The following CNTNAP2 variants were observed in gnomAD, a reference collection of about 807,000 sequenced individuals.
CNTNAP2 encodes the protein contactin associated protein 2, also known as contactin-associated protein-like 2.
A neutral mutation model predicts 155.2 loss-of-function variants in CNTNAP2; 98 were observed. The ratio of observed to expected loss-of-function variants is 0.63; its 90% confidence interval spans 0.54 to 0.75. CNTNAP2 has a LOEUF of 0.75. Ranked by LOEUF, CNTNAP2 falls within the 30% of genes least tolerant of loss-of-function variation. CNTNAP2 has a pLI of 0.00. For missense variants in CNTNAP2, 1,727 were observed against 1,688.1 expected, an observed-to-expected ratio of 1.02 and a Z score of -0.40; for synonymous variants, 651 against 631.2, an observed-to-expected ratio of 1.03 and a Z score of -0.47.
intron 1 of CNTNAP2, among the ~76,000 whole-genome samples, chr7:146,705,360 T>C (rs530505858): frequency 6.6e-6 from 1 of 152,072 alleles, no homozygotes; most frequent in Non-Finnish European, 1.5e-5. Flanking sequence ...AAGTATTTGT[T>C]TCCTGGTTCA....
At chr7:147,680,818 A>AATG (rs200722496) in intron 13 of CNTNAP2, among the ~76,000 whole-genome samples, 2,453 of 151,714 alleles carry the variant, frequency 0.016, 215 homozygotes, top group Admixed American at 0.15. Context: ...TAGTATGTAT[A>AATG]ATAAATAGCA....
At chr7:148,286,869 G>A (rs182410120) in intron 21 of CNTNAP2, among the ~76,000 whole-genome samples, 284 of 152,204 alleles carry the variant, frequency 1.9e-3, no homozygotes, top group African/African-American at 6.4e-3. Flanking sequence ...CCCTCCCCAC[G>A]TTATACATAG....
At chr7:148,054,814 C>T (rs1161633724) in intron 15 of CNTNAP2, among the ~76,000 whole-genome samples, 3 of 151,786 alleles carry the variant, frequency 2.0e-5, no homozygotes, top group Admixed American at 6.6e-5. Flanking sequence ...ATGTAGAGTC[C>T]AGGTAAGCCT....
intron 15 of CNTNAP2, among the ~76,000 whole-genome samples, chr7:148,015,057 A>G (rs1441357674): frequency 2.3e-5 from 3 of 131,104 alleles, no homozygotes; most frequent in African/African-American, 7.9e-5. Flanking sequence ...CCCACATAGC[A>G]TGTTTTTTTG....
intron 11 of CNTNAP2, among the ~76,000 whole-genome samples, chr7:147,512,162 C>T (rs1358122238): frequency 6.6e-6 from 1 of 152,094 alleles, no homozygotes; most frequent in African/African-American, 2.4e-5. Context: ...GGGAGCTCTC[C>T]ACACTCTCAC....
At chr7:146,649,011 C>T (rs1016759104) in intron 1 of CNTNAP2, among the ~76,000 whole-genome samples, 1 of 151,930 alleles carries the variant, frequency 6.6e-6, no homozygotes. Flanking sequence ...TTTTAAAAAG[C>T]AATTCAGAAT....
At chr7:147,019,502 G>C (rs573385779) in intron 3 of CNTNAP2, among the ~76,000 whole-genome samples, 1 of 152,144 alleles carries the variant, frequency 6.6e-6, no homozygotes, top group South Asian at 2.1e-4. Flanking sequence ...CTTCCTAGAA[G>C]GGCTTCCTTT....
At position 147,272,559 on chromosome 7, in the gene CNTNAP2, C is replaced by T. The variant is rs150584333; in HGVS notation, c.1349-27582C>T. ...TGTCGCCCAGGCTGGAGTGCAGTGG[C>T]GCCATCTCGGCTCACTGCAAGCTCC... On this transcript the variant is annotated intron_variant, in intron 8 of 23. Transcript: ENST00000361727. Among the ~76,000 whole-genome samples, 370 of 152,122 alleles carry T rather than the reference C, an allele frequency of 2.4e-3. 2 individuals carry two copies. Among genetic ancestry groups the T allele is most frequent in the African/African-American group, 8.4e-3 (349 of 41,518 alleles).
At chr7:147,097,926 G>T (rs1800576892) in intron 4 of CNTNAP2, among the ~76,000 whole-genome samples, 1 of 152,100 alleles carries the variant, frequency 6.6e-6, no homozygotes, top group Non-Finnish European at 1.5e-5. Context: ...CATACACCTG[G>T]AGTCAGCCAC....
At chr7:146,957,876 G>A (rs1358035979) in intron 3 of CNTNAP2, among the ~76,000 whole-genome samples, 2 of 151,988 alleles carry the variant, frequency 1.3e-5, no homozygotes, top group Non-Finnish European at 1.5e-5. Context: ...TTATACACAT[G>A]GACTTATCAA....
chr7:146,422,247 A>AAACATTGC, intron 1 of CNTNAP2, among the ~76,000 whole-genome samples: 1 of 151,268 alleles, frequency 6.6e-6, no homozygotes, highest in Non-Finnish European at 1.5e-5. Context: ...TTATTACAGA[A>AAACATTGC]AACATTGCAA....
At position 148,420,057 on chromosome 7, in the gene CNTNAP2, G is replaced by A. The variant is rs1563082734; in HGVS notation, c.*4441G>A. On this transcript the variant is annotated 3_prime_UTR_variant, in exon 24 of 24. Coordinates refer to ENST00000361727, the MANE Select transcript of CNTNAP2 (RefSeq NM_014141.6). ...CAAAAGACAAATGTGGCCACGTTCA[G>A]GAATTGGAGACTTACTGGCATGGCT... 1 of 152,216 alleles carries A rather than the reference G, an allele frequency of 6.6e-6. No homozygotes were observed. 9.4% of individuals were successfully genotyped at this position (152,216 alleles called of 1,614,324 possible).
intron 1 of CNTNAP2, among the ~76,000 whole-genome samples, chr7:146,739,794 A>T (rs895786658): frequency 6.6e-6 from 1 of 152,000 alleles, no homozygotes; most frequent in Non-Finnish European, 1.5e-5. Context: ...AAGTATATTA[A>T]TACTTGGTTT....
intron 21 of CNTNAP2, among the ~76,000 whole-genome samples, chr7:148,361,804 T>C (rs942116599): frequency 6.6e-6 from 1 of 152,164 alleles, no homozygotes; most frequent in African/African-American, 2.4e-5. Context: ...TGGGGAGTCC[T>C]CAGGAAACAT....
chr7:146,680,842 A>G (rs561279388), intron 1 of CNTNAP2, among the ~76,000 whole-genome samples: 1 of 152,350 alleles, frequency 6.6e-6, no homozygotes, highest in East Asian at 1.9e-4. Flanking sequence ...AAGTGACACA[A>G]GCAAAGGCAT....
At chr7:146,362,938 T>G (rs1423740855) in intron 1 of CNTNAP2, among the ~76,000 whole-genome samples, 1 of 151,798 alleles carries the variant, frequency 6.6e-6, no homozygotes, top group Non-Finnish European at 1.5e-5. Context: ...GCCCAGCTAA[T>G]TTTTGTATTT....
chr7:146,531,500 CAT>C (rs1454640941), intron 1 of CNTNAP2, among the ~76,000 whole-genome samples: 1 of 152,070 alleles, frequency 6.6e-6, no homozygotes, highest in African/African-American at 2.4e-5. Flanking sequence ...GCCTGGAAGA[CAT>C]AGATTGGCTT....
chr7:147,855,257 T>C (rs891685365), intron 13 of CNTNAP2, among the ~76,000 whole-genome samples: 2 of 152,140 alleles, frequency 1.3e-5, no homozygotes, highest in Admixed American at 1.3e-4. Context: ...GAAAACCTTC[T>C]GACTCCCAGG....
chr7:147,562,401 T>G, intron 12 of CNTNAP2, 144 bp downstream of exon 12: 1 of 1,062,420 alleles, frequency 9.4e-7, no homozygotes, highest in Non-Finnish European at 1.4e-6. Flanking sequence ...TTAGATAAGA[T>G]GATGAAATGT....
Sources: allele counts gnomAD v4.1 joint callset (sites outside exome capture counted in the v4.1 genomes callset), GRCh38; gene constraint gnomAD v4.1.1; transcripts MANE v1.5; gene names NCBI Gene and HGNC (gene_info 2026-07-23, HGNC 2026-07-21).